The following MDFIC2 variants were observed in gnomAD, a reference collection of about 807,000 sequenced individuals.
MDFIC2 encodes the protein MyoD family inhibitor domain containing 2.
chr3:70,256,660 C>G (rs975928871), intron 2 of MDFIC2, among the ~76,000 whole-genome samples: 22 of 152,150 alleles, frequency 1.4e-4, no homozygotes, highest in African/African-American at 5.3e-4. Flanking sequence ...TGAGATGCGT[C>G]CCTCCTTCCC....
At chr3:70,211,078 A>G (rs1701340282) in intron 2 of MDFIC2, among the ~76,000 whole-genome samples, 1 of 152,108 alleles carries the variant, frequency 6.6e-6, no homozygotes. Flanking sequence ...GTTTTCTCTC[A>G]TTTGACTCTT....
Position 70,195,362 on chromosome 3 carries a change from G to A in MDFIC2, c.*1564C>T, listed in dbSNP as rs144278172. ...TGTGAATAACATGGTCATCAAACAGGAATGAAATCAGCATTAACCATGGGT... is the reference window on the plus strand; with the variant it reads ...TGTGAATAACATGGTCATCAAACAGAAATGAAATCAGCATTAACCATGGGT... On this transcript the variant is annotated 3_prime_UTR_variant, in exon 4 of 4. Coordinates refer to ENST00000567252, the MANE Select transcript of MDFIC2 (RefSeq NM_001364677.1). Among the ~76,000 whole-genome samples the A allele has an allele frequency of 3.3e-5, 5 of 152,308 alleles. No individual in the cohort carries two copies. The highest frequency in any genetic ancestry group is 1.3e-4 in the Admixed American group (2 of 15,294).
intron 2 of MDFIC2, among the ~76,000 whole-genome samples, chr3:70,279,538 G>A (rs1702060421): frequency 1.3e-5 from 2 of 152,212 alleles, no homozygotes; most frequent in East Asian, 1.9e-4. Context: ...TGCCAAATGT[G>A]TCACCCCATC....
chr3:70,212,266 C>A (rs552611289), intron 2 of MDFIC2, among the ~76,000 whole-genome samples: 5 of 152,162 alleles, frequency 3.3e-5, no homozygotes, highest in Non-Finnish European at 7.4e-5. Context: ...TACAGCTTCA[C>A]ACTTGTAACT....
intron 3 of MDFIC2, among the ~76,000 whole-genome samples, chr3:70,203,366 T>C (rs1701259730): frequency 6.6e-6 from 1 of 152,156 alleles, no homozygotes; most frequent in South Asian, 2.1e-4. Flanking sequence ...ATGTCTGTAA[T>C]GTAGAATGGG....
chr3:70,290,237 T>C (rs1168450159), intron 2 of MDFIC2, among the ~76,000 whole-genome samples: 1 of 152,194 alleles, frequency 6.6e-6, no homozygotes, highest in East Asian at 1.9e-4. Flanking sequence ...GATGGGTTTT[T>C]GGTGTGGATG....
At chr3:70,293,268 A>G (rs1702256375) in intron 2 of MDFIC2, among the ~76,000 whole-genome samples, 1 of 152,092 alleles carries the variant, frequency 6.6e-6, no homozygotes, top group African/African-American at 2.4e-5. Context: ...AGTACATAGT[A>G]TTACAAAGAA....
At chr3:70,280,019 C>T (rs562967128) in intron 2 of MDFIC2, among the ~76,000 whole-genome samples, 1 of 152,240 alleles carries the variant, frequency 6.6e-6, no homozygotes, top group African/African-American at 2.4e-5. Flanking sequence ...GTTCTTGAGG[C>T]CAGAAGTGTG....
intron 2 of MDFIC2, among the ~76,000 whole-genome samples, chr3:70,273,530 T>C (rs1001032450): frequency 1.3e-5 from 2 of 152,100 alleles, no homozygotes; most frequent in Admixed American, 6.5e-5. Flanking sequence ...TATCACCTAA[T>C]TGGGAAAAGG....
At chr3:70,301,172 A>AT (rs1702345046) in intron 2 of MDFIC2, among the ~76,000 whole-genome samples, 1 of 152,100 alleles carries the variant, frequency 6.6e-6, no homozygotes. Flanking sequence ...TTAAGTTAAT[A>AT]TTTTAAAATT....
At chr3:70,201,686 C>T (rs1291912031) in intron 3 of MDFIC2, among the ~76,000 whole-genome samples, 1 of 152,184 alleles carries the variant, frequency 6.6e-6, no homozygotes, top group Non-Finnish European at 1.5e-5. Context: ...AGGAATCCAA[C>T]CTGCCTTCCA....
chr3:70,247,441 C>T (rs1008140014), intron 2 of MDFIC2, among the ~76,000 whole-genome samples: 1 of 151,532 alleles, frequency 6.6e-6, no homozygotes, highest in Non-Finnish European at 1.5e-5. Flanking sequence ...TGCTCTTGAG[C>T]ACTTCATATG....
At chr3:70,248,105 G>A (rs1283253544) in intron 2 of MDFIC2, among the ~76,000 whole-genome samples, 2 of 152,046 alleles carry the variant, frequency 1.3e-5, no homozygotes, top group African/African-American at 4.8e-5. Flanking sequence ...CAGACACTGT[G>A]CTAGACAATG....
At chr3:70,255,427 T>C (rs922255453) in intron 2 of MDFIC2, among the ~76,000 whole-genome samples, 1 of 121,460 alleles carries the variant, frequency 8.2e-6, no homozygotes, top group South Asian at 3.2e-4. Context: ...ATTCAGTAAT[T>C]TTTTTTTCTT....
chr3:70,290,147 A>G (rs1702217477), intron 2 of MDFIC2, among the ~76,000 whole-genome samples: 1 of 151,890 alleles, frequency 6.6e-6, no homozygotes, highest in South Asian at 2.1e-4. Context: ...TGCTTTTTAG[A>G]GTTTCCAGTT....
intron 2 of MDFIC2, among the ~76,000 whole-genome samples, chr3:70,226,704 C>T (rs1207223065): frequency 6.7e-6 from 1 of 148,150 alleles, no homozygotes; most frequent in Non-Finnish European, 1.5e-5. Context: ...TGCCACTCCA[C>T]TCCAGCCTGG....
At chr3:70,269,004 TA>T (rs1251234624) in intron 2 of MDFIC2, among the ~76,000 whole-genome samples, 2 of 151,874 alleles carry the variant, frequency 1.3e-5, no homozygotes, top group East Asian at 3.9e-4. Flanking sequence ...AAAGTTTAAA[TA>T]AAAAAAGAAA....
In MDFIC2 at chr3:70,228,886, T is replaced by C. The variant is rs138054918; in HGVS notation, c.89-22096A>G. ...AGTGTCTATTATGTGGCAGACTATG[T>C]AGTACGTGAGGAGAAACTCAGCTAA... On this transcript the variant is annotated intron_variant, in intron 2 of 3. Transcript: ENST00000567252. Among the ~76,000 whole-genome samples the C allele has an allele frequency of 1.3e-4, 20 of 152,244 alleles. No individual in the cohort carries two copies. In the East Asian group the frequency reaches 3.9e-3, roughly 29 times the overall value.
At chr3:70,272,430 T>C (rs990206892) in intron 2 of MDFIC2, 2 of 152,252 alleles carry the variant, frequency 1.3e-5, no homozygotes, top group African/African-American at 4.8e-5. Context: ...ATCCGTGTTG[T>C]TGAGTTCATT....
Sources: allele counts gnomAD v4.1 joint callset (sites outside exome capture counted in the v4.1 genomes callset), GRCh38; gene constraint gnomAD v4.1.1; transcripts MANE v1.5; gene names NCBI Gene and HGNC (gene_info 2026-07-23, HGNC 2026-07-21).